The following PLCB4 variants were observed in gnomAD, a reference collection of about 807,000 sequenced individuals.
PLCB4 encodes phospholipase C beta 4.
Under a neutral mutation model 178.8 loss-of-function variants are expected in PLCB4, and 77 were observed. The ratio of observed to expected loss-of-function variants is 0.43; its 90% confidence interval spans 0.36 to 0.52. The LOEUF (loss-of-function observed/expected upper bound fraction) is 0.52, where lower values mean the gene tolerates loss of function less well. Ranked by LOEUF, PLCB4 falls within the 20% of genes least tolerant of loss-of-function variation. The probability of loss-of-function intolerance (pLI) is 0.00; values close to 1 mark genes in which losing one functional copy is unlikely to be tolerated. For synonymous variants in PLCB4, 496 were observed against 490.8 expected, an observed-to-expected ratio of 1.01 and a Z score of -0.14; for missense variants, 1,024 against 1,453.4, an observed-to-expected ratio of 0.70 and a Z score of 4.80.
chr20:9,122,828 G>A (rs1448296957), intron 2 of PLCB4, among the ~76,000 whole-genome samples: 2 of 152,078 alleles, frequency 1.3e-5, no homozygotes, highest in Non-Finnish European at 2.9e-5. Context: ...GTAGTTAAAG[G>A]GACCATTGGG....
chr20:9,295,057 G>A (rs1027720782), intron 3 of PLCB4, among the ~76,000 whole-genome samples: 2 of 152,098 alleles, frequency 1.3e-5, no homozygotes, highest in East Asian at 1.9e-4. Flanking sequence ...AAAGACTAGG[G>A]TCCTCTGTGA....
intron 4 of PLCB4, among the ~76,000 whole-genome samples, chr20:9,309,822 A>C (rs964693129): frequency 6.6e-6 from 1 of 152,078 alleles, no homozygotes; most frequent in Non-Finnish European, 1.5e-5. Flanking sequence ...GTTTTTTTTG[A>C]TTATTAATCA....
chr20:9,468,593 C>T lies in PLCB4; in HGVS notation c.3271C>T (p.His1091Tyr), dbSNP rs764830392. ...TAGGGAAAGCAAGGAAATGCGAGCA[C>T]ACCAGGCTAAGATTTCTATGGAAAA... is the stretch of plus-strand genomic sequence containing the variant. The part of the protein sequence containing the change: ...HDRESKEMRA[H>Y]QAKISMENSK... The change falls in exon 36 of 40, where the codon CAC (histidine) becomes TAC (tyrosine). Residue 1091 changes from histidine (H) to tyrosine (Y), a missense_variant. Coordinates refer to ENST00000378473, the MANE Select transcript of PLCB4 (RefSeq NM_001377142.1). 9 of 1,609,388 alleles carry T rather than the reference C, an allele frequency of 5.6e-6. No homozygotes were observed. The East Asian group carries it at 1.8e-4, about 32-fold the overall frequency.
At chr20:9,420,331 A>ATT (rs1167498896) in intron 26 of PLCB4, among the ~76,000 whole-genome samples, 6 of 148,776 alleles carry the variant, frequency 4.0e-5, no homozygotes, top group Non-Finnish European at 6.0e-5. Context: ...CTAATTTTAC[A>ATT]TTTTTTTTTT....
chr20:9,138,129 A>G (rs2092419891), intron 2 of PLCB4, among the ~76,000 whole-genome samples: 1 of 152,078 alleles, frequency 6.6e-6, no homozygotes, highest in African/African-American at 2.4e-5. Flanking sequence ...ATGATAATGA[A>G]CGTATCAGGA....
intron 4 of PLCB4, among the ~76,000 whole-genome samples, chr20:9,314,508 T>C (rs1438817846): frequency 1.3e-5 from 2 of 152,116 alleles, no homozygotes; most frequent in African/African-American, 4.8e-5. Context: ...ACTGGACAGC[T>C]CTGATGCAAG....
rs116585098 is a variant in PLCB4 at position 9,232,739 on chromosome 20, A to G, written c.-16+15287A>G. On this transcript the variant is annotated intron_variant, in intron 3 of 39. Transcript: ENST00000378473. ...ATGTCAATCAAATATTATTTCTTTG[A>G]TGAAAACTGAGTGGTACAAGTGGGT... 5.6e-3 allele frequency among the ~76,000 whole-genome samples: 858 copies of G among 152,248 alleles called. 13 individuals carry two copies. Among genetic ancestry groups the G allele is most frequent in the African/African-American group, 0.019 (799 of 41,550 alleles).
intron 2 of PLCB4, among the ~76,000 whole-genome samples, chr20:9,116,136 T>C (rs1231806227): frequency 6.6e-6 from 1 of 151,888 alleles, no homozygotes; most frequent in Non-Finnish European, 1.5e-5. Context: ...ATTGTATCCG[T>C]GTGTGTGTGC....
chr20:9,300,748 C>A (rs961201867), intron 3 of PLCB4, among the ~76,000 whole-genome samples: 3 of 152,114 alleles, frequency 2.0e-5, no homozygotes, highest in Non-Finnish European at 4.4e-5. Context: ...AATGACCATT[C>A]CCTTCAAATC....
intron 33 of PLCB4, among the ~76,000 whole-genome samples, chr20:9,457,051 A>T (rs1293934941): frequency 6.6e-6 from 1 of 152,248 alleles, no homozygotes; most frequent in African/African-American, 2.4e-5. Context: ...AGAATGAAAA[A>T]TTCACTTCAA....
At chr20:9,383,631 C>T (rs577810160) in intron 13 of PLCB4, among the ~76,000 whole-genome samples, 2 of 152,302 alleles carry the variant, frequency 1.3e-5, no homozygotes, top group East Asian at 1.9e-4. Context: ...AGTCCCATAA[C>T]CTGACTTTTA....
chr20:9,214,662 C>T (rs1364263078), intron 2 of PLCB4, among the ~76,000 whole-genome samples: 1 of 151,952 alleles, frequency 6.6e-6, no homozygotes, highest in African/African-American at 2.4e-5. Flanking sequence ...GTAATCCCTT[C>T]ATGACCCAGA....
chr20:9,401,222 TA>T (rs376896481), intron 19 of PLCB4, among the ~76,000 whole-genome samples: 105 of 152,144 alleles, frequency 6.9e-4, no homozygotes, highest in African/African-American at 2.4e-3. Flanking sequence ...GCCATCCACT[TA>T]AAAAAAATTT....
At chr20:9,207,400 A>G (rs1324136610) in intron 2 of PLCB4, among the ~76,000 whole-genome samples, 1 of 152,242 alleles carries the variant, frequency 6.6e-6, no homozygotes, top group South Asian at 2.1e-4. Flanking sequence ...AAATGTCCTA[A>G]CACAAGGACT....
At chr20:9,108,894 A>G (rs2091470423) in intron 2 of PLCB4, among the ~76,000 whole-genome samples, 1 of 109,894 alleles carries the variant, frequency 9.1e-6, no homozygotes, top group Non-Finnish European at 1.8e-5. Flanking sequence ...AGGAAGAGAG[A>G]AAACAAGAGA....
At chr20:9,224,466 C>T (rs2147309809) in intron 3 of PLCB4, among the ~76,000 whole-genome samples, 1 of 152,290 alleles carries the variant, frequency 6.6e-6, no homozygotes, top group South Asian at 2.1e-4. Context: ...CAAACACCAA[C>T]CCCAGCTGTT....
In PLCB4 at chr20:9,337,223, G is replaced by A; in HGVS notation, c.165+17G>A. 2.5e-6 allele frequency: 4 copies of A among 1,578,678 alleles called. No individual in the cohort carries two copies. The highest frequency in any genetic ancestry group is 3.5e-6 in the Non-Finnish European group (4 of 1,147,986). On this transcript the variant is annotated intron_variant, in intron 5 of 39. Coordinates refer to ENST00000378473, the MANE Select transcript of PLCB4 (RefSeq NM_001377142.1). ...GAAGGCAAGGTATGGCCCAAGAAGA[G>A]CAAGTTGTTCTTTCTGCTTTGTGGT...
At chr20:9,191,273 G>A (rs1036812999) in intron 2 of PLCB4, among the ~76,000 whole-genome samples, 5 of 149,198 alleles carry the variant, frequency 3.4e-5, no homozygotes, top group Admixed American at 1.3e-4. Context: ...ATGGGACTAA[G>A]AGATGGGATC....
chr20:9,072,119 G>A (rs1310093052), intron 1 of PLCB4, among the ~76,000 whole-genome samples: 1 of 152,194 alleles, frequency 6.6e-6, no homozygotes, highest in Admixed American at 6.5e-5. Context: ...AGACTTATCT[G>A]CCTGTTGGGA....
Sources: allele counts gnomAD v4.1 joint callset (sites outside exome capture counted in the v4.1 genomes callset), GRCh38; gene constraint gnomAD v4.1.1; transcripts MANE v1.5; gene names NCBI Gene and HGNC (gene_info 2026-07-23, HGNC 2026-07-21).